DLGAP1: variants seen among roughly 807,000 people sequenced by gnomAD.
DLGAP1 encodes the protein disks large-associated protein 1.
A neutral mutation model predicts 90.8 loss-of-function variants in DLGAP1; 11 were observed. The ratio of observed to expected loss-of-function variants is 0.12; its 90% CI spans 0.08 to 0.20. The LOEUF (loss-of-function observed/expected upper bound fraction) is 0.20, where lower values mean the gene tolerates loss of function less well. Ranked by LOEUF, DLGAP1 falls within the 10% of genes least tolerant of loss-of-function variation. The probability of loss-of-function intolerance (pLI) is 1.00; values close to 1 mark genes in which losing one functional copy is unlikely to be tolerated. For missense variants in DLGAP1, 1,050 were observed against 1,333.8 expected (o/e 0.79, Z 3.31); for synonymous variants, 558 against 540.7 (o/e 1.03, Z -0.44).
At chr18:3,976,128 C>T (rs776133705) in intron 3 of DLGAP1, among the ~76,000 whole-genome samples, 6 of 151,728 alleles carry the variant, frequency 4.0e-5, no homozygotes, top group Non-Finnish European at 5.9e-5. Context: ...GGTTGGATCA[C>T]CTAAGGTCGG....
intron 10 of DLGAP1, among the ~76,000 whole-genome samples, chr18:3,513,293 GTTTA>G (rs1249957444): frequency 2.0e-5 from 3 of 152,084 alleles, no homozygotes; most frequent in African/African-American, 7.2e-5. Context: ...TTATTTATGT[GTTTA>G]TTTATTTATG....
intron 2 of DLGAP1, among the ~76,000 whole-genome samples, chr18:4,146,059 C>T (rs1314523659): frequency 6.6e-6 from 1 of 152,180 alleles, no homozygotes; most frequent in East Asian, 1.9e-4. Context: ...GTGTGTTCAT[C>T]TTTTAAAGTC....
Position 4,383,361 on chromosome 18 carries a change from T to C in DLGAP1, c.-267+71645A>G, listed in dbSNP as rs747825435. ...CAAAATATTTAGTACATTAATGGGA[T>C]TTTCATGGTTTTCATTAGCATTCAT... On this transcript the variant is annotated intron_variant, in intron 1 of 12. Coordinates refer to ENST00000315677, the MANE Select transcript of DLGAP1 (RefSeq NM_004746.4). The surrounding 1 kb of genome is among the most constrained non-coding windows in gnomAD (Gnocchi z 4.0). Among the ~76,000 whole-genome samples, 98 of 152,322 alleles carry C rather than the reference T, an allele frequency of 6.4e-4. No homozygotes were observed. The highest frequency in any genetic ancestry group is 3.4e-3 in the Middle Eastern group (1 of 294).
chr18:3,868,034 T>C (rs757966665), intron 4 of DLGAP1, among the ~76,000 whole-genome samples: 6 of 152,228 alleles, frequency 3.9e-5, no homozygotes, highest in Non-Finnish European at 7.3e-5. Context: ...CTCTTGTTTC[T>C]AGTGGATTCG....
chr18:4,172,370 G>A (rs1291051719), intron 1 of DLGAP1, among the ~76,000 whole-genome samples: 1 of 152,114 alleles, frequency 6.6e-6, no homozygotes, highest in Non-Finnish European at 1.5e-5. Flanking sequence ...ATTTCTCTGA[G>A]TCTCATGACT....
At chr18:4,445,963 A>G (rs2083654221) in intron 1 of DLGAP1, among the ~76,000 whole-genome samples, 1 of 152,048 alleles carries the variant, frequency 6.6e-6, no homozygotes, top group Admixed American at 6.6e-5. Flanking sequence ...ACAGAAAGGG[A>G]AAGAAAACCC....
intron 1 of DLGAP1, among the ~76,000 whole-genome samples, chr18:4,239,158 G>A (rs905946611): frequency 3.3e-5 from 5 of 152,110 alleles, no homozygotes; most frequent in African/African-American, 1.2e-4. Context: ...ATATCTTATG[G>A]TTGCCAAGGA....
chr18:4,250,722 A>C (rs1369681772), intron 1 of DLGAP1, among the ~76,000 whole-genome samples: 2 of 152,206 alleles, frequency 1.3e-5, no homozygotes, highest in Non-Finnish European at 2.9e-5. Context: ...CTATGGAGTG[A>C]AAATATGTCC....
intron 1 of DLGAP1, among the ~76,000 whole-genome samples, chr18:4,262,399 A>G (rs1471515215): frequency 6.6e-6 from 1 of 152,222 alleles, no homozygotes; most frequent in Non-Finnish European, 1.5e-5. Context: ...ATATTATCAG[A>G]AATAACTGAG....
chr18:4,028,583 T>C (rs922803791), intron 2 of DLGAP1, among the ~76,000 whole-genome samples: 1 of 152,170 alleles, frequency 6.6e-6, no homozygotes, highest in African/African-American at 2.4e-5. Flanking sequence ...CCTTATTCCA[T>C]AAATATATAT....
chr18:3,930,423 G>C (rs954850241), intron 3 of DLGAP1, among the ~76,000 whole-genome samples: 7 of 152,124 alleles, frequency 4.6e-5, no homozygotes, highest in Admixed American at 3.3e-4. Context: ...GGAGTTTTTG[G>C]AGCAGTCTGT....
intron 2 of DLGAP1, among the ~76,000 whole-genome samples, chr18:4,120,503 A>G (rs1272732509): frequency 6.6e-6 from 1 of 152,206 alleles, no homozygotes; most frequent in Non-Finnish European, 1.5e-5. Context: ...GTAATCATAA[A>G]ATCTGCAATG....
At chr18:3,714,639 GTT>G (rs869196557) in intron 7 of DLGAP1, among the ~76,000 whole-genome samples, 13,554 of 93,008 alleles carry the variant, frequency 0.15, 893 homozygotes, top group East Asian at 0.4. Flanking sequence ...TGATTACGTG[GTT>G]TTTTTTTTTT....
At chr18:3,612,878 G>C (rs925299520) in intron 7 of DLGAP1, among the ~76,000 whole-genome samples, 2 of 151,160 alleles carry the variant, frequency 1.3e-5, no homozygotes, top group African/African-American at 4.9e-5. Context: ...TTTTGCTCTT[G>C]TCACCCAGGC....
intron 1 of DLGAP1, among the ~76,000 whole-genome samples, chr18:4,304,931 CA>C (rs36110099): frequency 6.7e-4 from 95 of 142,252 alleles, no homozygotes; most frequent in African/African-American, 9.4e-4. Context: ...AACTGTGTCT[CA>C]AAAAAAAAAA....
At chr18:4,407,600 C>T (rs765551736) in intron 1 of DLGAP1, among the ~76,000 whole-genome samples, 5 of 151,962 alleles carry the variant, frequency 3.3e-5, no homozygotes, top group African/African-American at 4.8e-5. Flanking sequence ...TCTAACAGGC[C>T]GAGTGCGCTG....
intron 11 of DLGAP1, among the ~76,000 whole-genome samples, chr18:3,507,268 G>T (rs2050281595): frequency 6.6e-6 from 1 of 152,034 alleles, no homozygotes; most frequent in Admixed American, 6.6e-5. Context: ...GGAGGATCAT[G>T]AGGTCAGGAG....
At chr18:3,769,448 A>G (rs2064411899) in intron 5 of DLGAP1, among the ~76,000 whole-genome samples, 1 of 152,180 alleles carries the variant, frequency 6.6e-6, no homozygotes, top group Admixed American at 6.5e-5. Flanking sequence ...CTTTATAGGA[A>G]TGGTTACAGC....
Position 4,043,785 on chromosome 18 carries a change from A to G in DLGAP1, c.-158-38584T>C, listed in dbSNP as rs555022493. ...AGCAACGGGTATCCTTCAAGGATAC[A>G]TTGGAGCAACGGGACCAGCAAATCT... On this transcript the variant is annotated intron_variant, in intron 2 of 12. Transcript: ENST00000315677. 2.2e-4 allele frequency among the ~76,000 whole-genome samples: 33 copies of G among 152,312 alleles called. No individual in the cohort carries two copies. In the South Asian group the frequency reaches 6.6e-3, roughly 31 times the overall value.
Sources: allele counts gnomAD v4.1 joint callset (sites outside exome capture counted in the v4.1 genomes callset), GRCh38; gene constraint gnomAD v4.1.1; non-coding constraint Gnocchi (gnomAD v3.1); transcripts MANE v1.5; gene names NCBI Gene and HGNC (gene_info 2026-07-23, HGNC 2026-07-21).